HSD17B4: variants seen among roughly 807,000 people sequenced by gnomAD.
HSD17B4 encodes peroxisomal multifunctional enzyme type 2.
A neutral mutation model predicts 101.0 loss-of-function variants in HSD17B4; 70 were observed. That is an observed-to-expected ratio of 0.69 (90% CI 0.57 to 0.85). HSD17B4 has a LOEUF of 0.85. Among genes scored for constraint, HSD17B4 ranks in the 40% least tolerant of loss-of-function variants. The pLI, the probability that HSD17B4 is intolerant of heterozygous loss-of-function variation, is 0.00. For synonymous variants in HSD17B4, 347 were observed against 297.1 expected, an observed-to-expected ratio of 1.17 and a Z score of -1.73; for missense variants, 984 against 892.4, an observed-to-expected ratio of 1.10 and a Z score of -1.31.
chr5:119,463,970 C>T (rs1271930395), intron 2 of HSD17B4, among the ~76,000 whole-genome samples: 2 of 152,036 alleles, frequency 1.3e-5, no homozygotes, highest in Non-Finnish European at 2.9e-5. Context: ...TGCACCTGGC[C>T]ATTGAGAAAT....
chr5:119,527,926 T>C (rs1753747485), intron 20 of HSD17B4, among the ~76,000 whole-genome samples: 1 of 152,132 alleles, frequency 6.6e-6, no homozygotes, highest in African/African-American at 2.4e-5. Flanking sequence ...AGTAAAATAC[T>C]AAAAGGACAT....
intron 23 of HSD17B4, among the ~76,000 whole-genome samples, chr5:119,540,424 T>G (rs1012951781): frequency 2.0e-5 from 3 of 152,172 alleles, no homozygotes; most frequent in Admixed American, 1.3e-4. Flanking sequence ...GAAAGATTTA[T>G]GTACAAAATT....
At chr5:119,531,503 C>G in intron 22 of HSD17B4, 99 bp downstream of exon 22, 1 of 1,231,314 alleles carries the variant, frequency 8.1e-7, no homozygotes, top group South Asian at 1.3e-5. Flanking sequence ...GTAAATCTTA[C>G]CTTTTTAGGT....
At chr5:119,536,175 C>A in intron 22 of HSD17B4, 1 of 439,196 alleles carries the variant, frequency 2.3e-6, no homozygotes, top group Non-Finnish European at 4.2e-6. Context: ...TGGTTGCAGA[C>A]CATGACCTGA....
chr5:119,461,935 A>T (rs1200200596), intron 2 of HSD17B4, among the ~76,000 whole-genome samples: 1 of 152,168 alleles, frequency 6.6e-6, no homozygotes, highest in Non-Finnish European at 1.5e-5. Context: ...TATAGCACGT[A>T]TTTGACAAAA....
Position 119,460,027 on chromosome 5 carries a change from T to G in HSD17B4, c.112+3659T>G, listed in dbSNP as rs1755063770. Among the ~76,000 whole-genome samples the G allele has an allele frequency of 2.0e-5, 3 of 151,972 alleles. No individual in the cohort carries two copies. In the South Asian group the frequency reaches 6.2e-4, roughly 32 times the overall value. On this transcript the variant is annotated intron_variant, in intron 2 of 23. Transcript: ENST00000510025. ...CTGGGACTACAGGTGCCTGCCACCG[T>G]GCCCAGCTAATTTTTTTTTTTGTAT...
At chr5:119,472,762 G>T (rs986627973) in intron 2 of HSD17B4, among the ~76,000 whole-genome samples, 9 of 152,094 alleles carry the variant, frequency 5.9e-5, no homozygotes, top group African/African-American at 2.2e-4. Context: ...ATACCCATTG[G>T]TTATCAACTC....
chr5:119,530,390 C>A (rs1007191080), intron 21 of HSD17B4, among the ~76,000 whole-genome samples: 1 of 151,994 alleles, frequency 6.6e-6, no homozygotes, highest in African/African-American at 2.4e-5. Flanking sequence ...TTTATTAAAA[C>A]ATTGTATTAT....
Position 119,492,109 on chromosome 5 carries a change from G to C in HSD17B4, c.724G>C (p.Gly242Arg). The C allele has an allele frequency of 1.2e-6, 2 of 1,607,600 alleles. No homozygotes were observed. The highest frequency in any genetic ancestry group is 1.7e-6 in the Non-Finnish European group (2 of 1,174,382). ...CCCCTCTTTTTGGTAGGTTGGAGCAGGATGGATTGGAAAATGTAAGTCTCT... is the reference window on the plus strand; with the variant it reads ...CCCCTCTTTTTGGTAGGTTGGAGCACGATGGATTGGAAAATGTAAGTCTCT... Reference protein sequence around the residue: ...ENGGLFEVGAGWIGKLRWERT... With the variant: ...ENGGLFEVGARWIGKLRWERT... The change falls in exon 10 of 24, where the codon GGA (glycine) becomes CGA (arginine). Residue 242 changes from glycine (G) to arginine (R), a missense_variant. By Grantham distance (125) the Gly-to-Arg change is moderately radical. Coordinates refer to ENST00000510025, the MANE Select transcript of HSD17B4 (RefSeq NM_000414.4).
intron 2 of HSD17B4, among the ~76,000 whole-genome samples, chr5:119,457,772 CT>C (rs1263871649): frequency 3.3e-5 from 5 of 152,140 alleles, no homozygotes; most frequent in African/African-American, 1.2e-4. Context: ...CTTGTTTTAT[CT>C]TTTGTATCTA....
At chr5:119,457,527 GCTT>G (rs933394977) in intron 2 of HSD17B4, among the ~76,000 whole-genome samples, 4 of 152,180 alleles carry the variant, frequency 2.6e-5, no homozygotes, top group African/African-American at 9.7e-5. Flanking sequence ...AATCCAATCT[GCTT>G]CTTCTGGCAG....
chr5:119,541,185 G>A (rs969800412), intron 23 of HSD17B4, among the ~76,000 whole-genome samples: 5 of 152,086 alleles, frequency 3.3e-5, no homozygotes, highest in Admixed American at 6.5e-5. Flanking sequence ...GGAACCCTTC[G>A]TTTTTAACAC....
chr5:119,481,722 T>A (rs1749153388), intron 8 of HSD17B4, among the ~76,000 whole-genome samples: 1 of 152,138 alleles, frequency 6.6e-6, no homozygotes, highest in Admixed American at 6.6e-5. Context: ...ATGACACTGA[T>A]AGACTTGCCT....
At chr5:119,499,835 G>A (rs1750998536) in intron 13 of HSD17B4, among the ~76,000 whole-genome samples, 1 of 152,084 alleles carries the variant, frequency 6.6e-6, no homozygotes, top group Non-Finnish European at 1.5e-5. Context: ...TCTTGACCAA[G>A]GGTAAATAAC....
chr5:119,459,676 G>A (rs1171311660), intron 2 of HSD17B4, among the ~76,000 whole-genome samples: 1 of 152,152 alleles, frequency 6.6e-6, no homozygotes, highest in Non-Finnish European at 1.5e-5. Flanking sequence ...GTCCCGAGAT[G>A]GCACAGGGCG....
At position 119,496,630 on chromosome 5, in the gene HSD17B4, C is replaced by T. The variant is rs1179816892; in HGVS notation, c.956C>T (p.Thr319Ile). The change falls in exon 12 of 24, where the codon ACA becomes ATA. Residue 319 changes from threonine to isoleucine, a missense_variant. Thr to Ile is a moderately conservative substitution (Grantham distance 89). Transcript: ENST00000510025. ...AATCATACTAGTCGTGCAACGTCTA[C>T]AGCAACATCAGGATTTGTAAGTGGG... ...SANHTSRATS[T>I]ATSGFAGAIG... 1.3e-6 allele frequency: 2 copies of T among 1,586,486 alleles called. No homozygotes were observed. The highest frequency in any genetic ancestry group is 1.7e-6 in the Non-Finnish European group (2 of 1,154,762).
At chr5:119,487,091 G>A (rs1193142931) in intron 8 of HSD17B4, among the ~76,000 whole-genome samples, 1 of 152,108 alleles carries the variant, frequency 6.6e-6, no homozygotes, top group African/African-American at 2.4e-5. Context: ...TTCCTTAAAA[G>A]TTGAAGTTCA....
At chr5:119,498,490 A>G (rs1296349715) in intron 12 of HSD17B4, among the ~76,000 whole-genome samples, 3 of 152,342 alleles carry the variant, frequency 2.0e-5, no homozygotes, top group East Asian at 3.9e-4. Flanking sequence ...TTCACTTATT[A>G]GCTACGCATA....
intron 16 of HSD17B4, 30 bp downstream of exon 16, chr5:119,509,274 T>G (rs1216737943): frequency 1.6e-6 from 2 of 1,245,102 alleles, no homozygotes; most frequent in Admixed American, 3.4e-5. Context: ...GCAAAATATA[T>G]GTGTAGTTAA....
Sources: allele counts gnomAD v4.1 joint callset (sites outside exome capture counted in the v4.1 genomes callset), GRCh38; gene constraint gnomAD v4.1.1; transcripts MANE v1.5; gene names NCBI Gene and HGNC (gene_info 2026-07-23, HGNC 2026-07-21).